MINPP1: variants seen among roughly 807,000 people sequenced by gnomAD.
The protein encoded by MINPP1 is multiple inositol polyphosphate phosphatase 1.
Under a neutral mutation model 46.1 loss-of-function variants are expected in MINPP1, and 28 were observed. That is an observed-to-expected ratio of 0.61 (90% confidence interval 0.45 to 0.83). MINPP1 has a LOEUF of 0.83. MINPP1 is among the 40% of genes least tolerant of loss of function. The pLI is 0.00. For synonymous variants in MINPP1, 268 were observed against 249.1 expected, an observed-to-expected ratio of 1.08 and a Z score of -0.72; for missense variants, 603 against 610.0, an observed-to-expected ratio of 0.99 and a Z score of 0.12.
At chr10:87,547,683 A>G (rs1392028029) in intron 4 of MINPP1, among the ~76,000 whole-genome samples, 1 of 152,184 alleles carries the variant, frequency 6.6e-6, no homozygotes, top group African/African-American at 2.4e-5. Flanking sequence ...GTTTACCTTT[A>G]GAATAAAGTG....
At chr10:87,524,635 G>A (rs1851548777) in intron 4 of MINPP1, among the ~76,000 whole-genome samples, 1 of 152,324 alleles carries the variant, frequency 6.6e-6, no homozygotes, top group East Asian at 1.9e-4. Context: ...TTGAGTTAAA[G>A]TGAAAGATGT....
At chr10:87,521,422 T>C (rs1305384672) in intron 4 of MINPP1, among the ~76,000 whole-genome samples, 1 of 152,202 alleles carries the variant, frequency 6.6e-6, no homozygotes, top group Non-Finnish European at 1.5e-5. Context: ...CTATTCCATT[T>C]TCCTGCCTCC....
chr10:87,508,069 T>C (rs1232232799), intron 1 of MINPP1: 4 of 1,467,248 alleles, frequency 2.7e-6, no homozygotes, highest in African/African-American at 1.4e-5. Context: ...TAATGTATGA[T>C]GCAATTTCAT....
chr10:87,532,911 G>T (rs1432393719), intron 4 of MINPP1, among the ~76,000 whole-genome samples: 2 of 151,766 alleles, frequency 1.3e-5, no homozygotes, highest in African/African-American at 4.8e-5. Flanking sequence ...CACCAGTGTG[G>T]TAGAATAATA....
At chr10:87,517,879 C>T (rs1851435561) in intron 3 of MINPP1, among the ~76,000 whole-genome samples, 1 of 150,096 alleles carries the variant, frequency 6.7e-6, no homozygotes, top group African/African-American at 2.5e-5. Flanking sequence ...CCAGGCTGGT[C>T]TTGAACTCTT....
rs1430252097 is a variant in MINPP1, at chr10:87,505,843, C to T, written c.637+291C>T. 1.3e-5 allele frequency among the ~76,000 whole-genome samples: 2 copies of T among 152,166 alleles called. No homozygotes were observed. Among genetic ancestry groups the T allele is most frequent in the Admixed American group, 6.5e-5 (1 of 15,280 alleles). On this transcript the variant is annotated intron_variant, in intron 1 of 4. Transcript: ENST00000371996. The surrounding 1 kb of genome is among the most constrained non-coding windows in gnomAD (Gnocchi z 4.4). ...GGGATCCAACAGGAAAGGGGACAGA[C>T]GAGGTCTCCCGCAATTTTTGCGCTC... is the stretch of plus-strand genomic sequence containing the variant.
intron 4 of MINPP1, among the ~76,000 whole-genome samples, chr10:87,534,043 T>TA (rs1491557735): frequency 7.3e-4 from 1 of 1,376 alleles, no homozygotes; most frequent in Non-Finnish European, 1.4e-3. Context: ...TGGCTAAATA[T>TA]TTTTTTTTTT....
At chr10:87,547,787 G>A (rs977743273) in intron 4 of MINPP1, among the ~76,000 whole-genome samples, 3 of 152,162 alleles carry the variant, frequency 2.0e-5, no homozygotes, top group Admixed American at 6.5e-5. Context: ...TCACTTCACT[G>A]CTAGAACTGC....
chr10:87,517,610 T>A (rs1394771919), intron 3 of MINPP1, among the ~76,000 whole-genome samples: 1 of 152,242 alleles, frequency 6.6e-6, no homozygotes, highest in African/African-American at 2.4e-5. Flanking sequence ...AATATTCCAT[T>A]ATATGAATAT....
intron 1 of MINPP1, chr10:87,508,132 T>C (rs992802624): frequency 6.5e-7 from 1 of 1,529,008 alleles, no homozygotes; most frequent in Admixed American, 2.0e-5. Flanking sequence ...TCTTTAGCCT[T>C]TTCTAGCTAT....
intron 4 of MINPP1, among the ~76,000 whole-genome samples, chr10:87,522,942 A>G (rs917915830): frequency 6.6e-6 from 1 of 152,188 alleles, no homozygotes; most frequent in Non-Finnish European, 1.5e-5. Flanking sequence ...TGTCATTTCA[A>G]CAATATTCAT....
intron 4 of MINPP1, among the ~76,000 whole-genome samples, chr10:87,523,667 AT>A (rs1266554028): frequency 6.6e-6 from 1 of 151,924 alleles, no homozygotes; most frequent in Non-Finnish European, 1.5e-5. Flanking sequence ...TCTTAAATTT[AT>A]TTCTTAATTA....
chr10:87,508,545 G>C lies in MINPP1; in HGVS notation c.835+12G>C. 1 of 1,603,524 alleles carries C rather than the reference G, an allele frequency of 6.2e-7. No homozygotes were observed. Among genetic ancestry groups the C allele is most frequent in the South Asian group, 1.1e-5 (1 of 90,760 alleles). ...TGATTTAAATGCAGGTAATATGTCT[G>C]TTGTCTTTTATTTGAACTTAACAGT... On this transcript the variant is annotated intron_variant, in intron 2 of 4. Coordinates refer to ENST00000371996, the MANE Select transcript of MINPP1 (RefSeq NM_004897.5).
intron 4 of MINPP1, among the ~76,000 whole-genome samples, chr10:87,543,081 A>G (rs147406710): frequency 1.3e-5 from 2 of 152,298 alleles, no homozygotes; most frequent in Admixed American, 6.5e-5. Context: ...AACTAGAGCA[A>G]ATGTTACCCC....
intron 4 of MINPP1, among the ~76,000 whole-genome samples, chr10:87,539,327 G>A (rs1423632348): frequency 1.3e-5 from 2 of 152,100 alleles, no homozygotes; most frequent in African/African-American, 4.8e-5. Context: ...CAAGTTTAAT[G>A]CATTTTTATC....
chr10:87,535,068 G>A (rs920477976), intron 4 of MINPP1, among the ~76,000 whole-genome samples: 4 of 152,234 alleles, frequency 2.6e-5, no homozygotes, highest in African/African-American at 9.6e-5. Flanking sequence ...TTAGTCAAAA[G>A]CGAAAGGATG....
chr10:87,533,128 C>T (rs2131828278), intron 4 of MINPP1, among the ~76,000 whole-genome samples: 1 of 152,080 alleles, frequency 6.6e-6, no homozygotes, highest in African/African-American at 2.4e-5. Flanking sequence ...TCCATCCCAC[C>T]CCTACCCCTT....
At position 87,505,545 on chromosome 10, in the gene MINPP1, C is replaced by CGTCGCAGGT; in HGVS notation, c.632_637+3dup. 2 of 1,605,412 alleles carry CGTCGCAGGT rather than the reference C, an allele frequency of 1.2e-6. No homozygotes were observed. Among genetic ancestry groups the CGTCGCAGGT allele is most frequent in the Non-Finnish European group, 1.7e-6 (2 of 1,178,916 alleles). ...ACCACCCTGGCTTGCCGCCGCCGGACGTCGCAGGTGACCCCCCGGGCGGCC... is the reference window on the plus strand; with the variant it reads ...ACCACCCTGGCTTGCCGCCGCCGGACGTCGCAGGTGTCGCAGGTGACCCCCCGGGCGGCC... On this transcript the variant is annotated inframe_insertion, in exon 1 of 5. Transcript: ENST00000371996. This position sits in a 1 kb window ranked among gnomAD's most constrained non-coding sequence, Gnocchi z 4.4.
intron 1 of MINPP1, among the ~76,000 whole-genome samples, chr10:87,506,885 CTT>C (rs1199968069): frequency 6.6e-6 from 1 of 152,090 alleles, no homozygotes; most frequent in Admixed American, 6.6e-5. Flanking sequence ...AGTTAGCTGA[CTT>C]GTGTCTAATT....
Sources: allele counts gnomAD v4.1 joint callset (sites outside exome capture counted in the v4.1 genomes callset), GRCh38; gene constraint gnomAD v4.1.1; non-coding constraint Gnocchi (gnomAD v3.1); transcripts MANE v1.5; gene names NCBI Gene and HGNC (gene_info 2026-07-23, HGNC 2026-07-21).